GABRB2: variants seen among roughly 807,000 people sequenced by gnomAD.
The protein encoded by GABRB2 is gamma-aminobutyric acid type A receptor subunit beta2.
In GABRB2, 16 loss-of-function variants were observed where a neutral mutation model predicts 54.7. That is an observed-to-expected ratio of 0.29 (90% CI 0.20 to 0.44). The LOEUF is 0.44. Among genes scored for constraint, GABRB2 ranks in the 20% least tolerant of loss-of-function variants. GABRB2 has a pLI of 1.00. For missense variants in GABRB2, 355 were observed against 644.0 expected (o/e 0.55, Z 4.86); for synonymous variants, 244 against 233.8 (o/e 1.04, Z -0.40).
At chr5:161,432,512 A>G (rs1757198360) in intron 4 of GABRB2, among the ~76,000 whole-genome samples, 2 of 152,220 alleles carry the variant, frequency 1.3e-5, no homozygotes, top group South Asian at 2.1e-4. Flanking sequence ...CAAGATAGTG[A>G]GAAGGTACTC....
At chr5:161,382,504 C>G (rs1431224579) in intron 5 of GABRB2, among the ~76,000 whole-genome samples, 1 of 151,384 alleles carries the variant, frequency 6.6e-6, no homozygotes, top group East Asian at 1.9e-4. Context: ...AATAACACTT[C>G]TGTTAAAAAA....
At chr5:161,455,474 C>T (rs1757924143) in intron 4 of GABRB2, among the ~76,000 whole-genome samples, 1 of 151,868 alleles carries the variant, frequency 6.6e-6, no homozygotes, top group Non-Finnish European at 1.5e-5. Context: ...TGGTATTTCC[C>T]AGATAATAGA....
intron 9 of GABRB2, among the ~76,000 whole-genome samples, chr5:161,310,993 C>CTCG: frequency 6.6e-6 from 1 of 152,254 alleles, no homozygotes; most frequent in African/African-American, 2.4e-5. Context: ...ATCTCCTCAC[C>CTCG]TCGTGATCTG....
chr5:161,437,741 A>G (rs1757352498), intron 4 of GABRB2, among the ~76,000 whole-genome samples: 1 of 152,116 alleles, frequency 6.6e-6, no homozygotes, highest in Admixed American at 6.5e-5. Flanking sequence ...ACCTTAGGAG[A>G]GCAATGACAA....
At chr5:161,509,290 T>A (rs1355121596) in intron 3 of GABRB2, among the ~76,000 whole-genome samples, 1 of 152,138 alleles carries the variant, frequency 6.6e-6, no homozygotes, top group African/African-American at 2.4e-5. Flanking sequence ...AGCTTTCCAC[T>A]AATATTTCTA....
chr5:161,444,642 C>G (rs928945717), intron 4 of GABRB2, among the ~76,000 whole-genome samples: 1 of 152,030 alleles, frequency 6.6e-6, no homozygotes, highest in African/African-American at 2.4e-5. Context: ...AATTGCTGAT[C>G]TTATCTTTAA....
chr5:161,313,851 C>G (rs573261675), intron 9 of GABRB2, among the ~76,000 whole-genome samples: 1 of 152,190 alleles, frequency 6.6e-6, no homozygotes, highest in South Asian at 2.1e-4. Context: ...TGGGCTTTCT[C>G]CAATCTATAA....
chr5:161,538,528 T>G (rs1393582376), intron 3 of GABRB2, among the ~76,000 whole-genome samples: 1 of 152,142 alleles, frequency 6.6e-6, no homozygotes, highest in Non-Finnish European at 1.5e-5. Context: ...ACTATAAGAA[T>G]AGTAAACGCC....
intron 4 of GABRB2, among the ~76,000 whole-genome samples, chr5:161,415,113 G>C (rs894583132): frequency 2.0e-5 from 3 of 152,162 alleles, no homozygotes; most frequent in African/African-American, 7.2e-5. Flanking sequence ...CCACTACTAG[G>C]TGTCTTTGAA....
chr5:161,308,985 A>G (rs915090010), intron 9 of GABRB2, among the ~76,000 whole-genome samples: 2 of 152,234 alleles, frequency 1.3e-5, no homozygotes, highest in African/African-American at 4.8e-5. Flanking sequence ...CAAAAGCAGT[A>G]ACAACAACAG....
At chr5:161,532,375 A>C (rs1456657083) in intron 3 of GABRB2, among the ~76,000 whole-genome samples, 2 of 152,088 alleles carry the variant, frequency 1.3e-5, no homozygotes, top group Non-Finnish European at 2.9e-5. Flanking sequence ...TACTTTATAC[A>C]TGATAATGTT....
At chr5:161,452,043 A>T (rs4921394) in intron 4 of GABRB2, among the ~76,000 whole-genome samples, 27,689 of 152,068 alleles carry the variant, frequency 0.18, 3,695 homozygotes, top group African/African-American at 0.37. Flanking sequence ...TGGTATAAAT[A>T]ATATACAGCC....
At chr5:161,468,896 CAT>C (rs1266846730) in intron 3 of GABRB2, among the ~76,000 whole-genome samples, 1 of 151,688 alleles carries the variant, frequency 6.6e-6, no homozygotes, top group Non-Finnish European at 1.5e-5. Context: ...GTATATGAAA[CAT>C]AGTACAAATA....
chr5:161,385,018 G>C (rs1755582288), intron 5 of GABRB2, among the ~76,000 whole-genome samples: 1 of 151,988 alleles, frequency 6.6e-6, no homozygotes, highest in Non-Finnish European at 1.5e-5. Flanking sequence ...GCTTTTCCAA[G>C]ACCACAGCCC....
intron 3 of GABRB2, 37 bp downstream of exon 3, chr5:161,545,190 A>G: frequency 1.3e-6 from 2 of 1,538,604 alleles, no homozygotes; most frequent in Non-Finnish European, 1.8e-6. Context: ...CCCAAACGAA[A>G]GTTTGCAAAG....
chr5:161,441,528 C>A (rs1342046151), intron 4 of GABRB2, among the ~76,000 whole-genome samples: 1 of 152,160 alleles, frequency 6.6e-6, no homozygotes, highest in African/African-American at 2.4e-5. Context: ...AGTATAACCA[C>A]TATGGAGAAC....
At chr5:161,399,431 G>C (rs774765309) in intron 5 of GABRB2, among the ~76,000 whole-genome samples, 1 of 152,146 alleles carries the variant, frequency 6.6e-6, no homozygotes, top group African/African-American at 2.4e-5. Context: ...TGAATGGAGA[G>C]AGAAGTATGG....
At chr5:161,359,466 C>CACACACACACAG (rs1561621430) in intron 5 of GABRB2, among the ~76,000 whole-genome samples, 2 of 151,538 alleles carry the variant, frequency 1.3e-5, no homozygotes, top group African/African-American at 4.8e-5. Context: ...CACACACACA[C>CACACACACACAG]AGAGATTGCT....
intron 3 of GABRB2, among the ~76,000 whole-genome samples, chr5:161,492,285 T>A (rs1005859989): frequency 6.6e-6 from 1 of 151,764 alleles, no homozygotes; most frequent in Non-Finnish European, 1.5e-5. Context: ...TTATCGTTTG[T>A]GCTTCTTCGT....
Sources: allele counts gnomAD v4.1 joint callset (sites outside exome capture counted in the v4.1 genomes callset), GRCh38; gene constraint gnomAD v4.1.1; transcripts MANE v1.5; gene names NCBI Gene and HGNC (gene_info 2026-07-23, HGNC 2026-07-21).